The following EIF3G variants were observed in gnomAD, a reference collection of about 807,000 sequenced individuals.
EIF3G encodes the protein eukaryotic translation initiation factor 3 subunit G, also known as eukaryotic translation initiation factor 3 RNA-binding subunit.
A neutral mutation model predicts 41.7 loss-of-function variants in EIF3G; 10 were observed. That is an observed-to-expected ratio of 0.24 (90% CI 0.15 to 0.41). EIF3G has a LOEUF of 0.41. Among genes scored for constraint, EIF3G ranks in the 10% least tolerant of loss-of-function variants. The pLI is 1.00. For missense variants in EIF3G, 297 were observed against 444.0 expected (o/e 0.67, Z 2.98); for synonymous variants, 204 against 172.5 (o/e 1.18, Z -1.43).
chr19:10,115,523 G>C lies in EIF3G; in HGVS notation c.903C>G (p.Ser301=). The C allele has an allele frequency of 6.2e-7, 1 of 1,613,586 alleles. No homozygotes were observed. Among genetic ancestry groups the C allele is most frequent in the South Asian group, 1.1e-5 (1 of 90,984 alleles). The change falls in exon 10 of 11, where the codon TCC becomes TCG. Residue 301 remains serine (S), a synonymous_variant. Transcript: ENST00000253108. ...EDAARAIAGV[S]GFGYDHLILN... ...GGATGAGGTGGTCGTAGCCAAAGCC[G>C]GACACCCCGGCAATGGCACGCGCAG...
intron 5 of EIF3G, chr19:10,118,051 CTT>C (rs2089274379): frequency 6.6e-6 from 1 of 152,400 alleles, no homozygotes; most frequent in Non-Finnish European, 1.5e-5. Flanking sequence ...GACACTGTGT[CTT>C]TAAAAAAATT....
chr19:10,115,878 C>T (rs916532401), intron 8 of EIF3G, 58 bp from the exon 9 acceptor site: 73 of 1,597,634 alleles, frequency 4.6e-5, no homozygotes, highest in Non-Finnish European at 5.8e-5. Context: ...CCCTCGTGTG[C>T]TGCCCAGCCC....
chr19:10,116,226 A>AGCTTCTCAGGTGT lies in EIF3G; in HGVS notation c.596-153_596-152insACACCTGAGAAGC. On this transcript the variant is annotated intron_variant, in intron 7 of 10. Coordinates refer to ENST00000253108, the MANE Select transcript of EIF3G (RefSeq NM_003755.5). This position sits in a 1 kb window ranked among gnomAD's most constrained non-coding sequence, Gnocchi z 4.1. ...AGTTGGCCACGAGGACACCAAGGTG[A>AGCTTCTCAGGTGT]CACCTGAGAAGCTGACACCATTTGA... 1.4e-6 allele frequency: 1 copy of AGCTTCTCAGGTGT among 702,156 alleles called. No homozygotes were observed. The highest frequency in any genetic ancestry group is 2.4e-6 in the Non-Finnish European group (1 of 422,522). The allele number at this position is 702,156 out of a possible 1,614,324, so 43.5% of individuals were successfully genotyped here.
rs541725010 is a variant in EIF3G at position 10,119,830 on chromosome 19, G to A, written c.20+10C>T. ...GCTTCCCGTGCCCCTTTCCGCGATC[G>A]CCGACTCACTCAAAGTCTCCAGTAG... On this transcript the variant is annotated intron_variant, in intron 1 of 10. Coordinates refer to ENST00000253108, the MANE Select transcript of EIF3G (RefSeq NM_003755.5). 5.6e-6 allele frequency: 9 copies of A among 1,614,122 alleles called. No individual in the cohort carries two copies. In the East Asian group the frequency reaches 2.0e-4, roughly 36 times the overall value.
Position 10,115,601 on chromosome 19 carries a change from A to G in EIF3G, c.841-16T>C, listed in dbSNP as rs773385976. ...AGGCAAAGCCCTGTGGAGGGGCGGG[A>G]TGGGGTCGGGCACGAGCTAGGACAG... is the stretch of plus-strand genomic sequence containing the variant. On this transcript the variant is annotated splice_polypyrimidine_tract_variant and intron_variant, in intron 9 of 10. Coordinates refer to ENST00000253108, the MANE Select transcript of EIF3G (RefSeq NM_003755.5). 15 of 1,606,102 alleles carry G rather than the reference A, an allele frequency of 9.3e-6. No individual in the cohort carries two copies. In the East Asian group the frequency reaches 3.1e-4, roughly 34 times the overall value.
At position 10,116,633 on chromosome 19, in the gene EIF3G, C is replaced by G; in HGVS notation, c.595+167G>C. ...CCAAGTCGCACATATATGGGAGACG[C>G]CCGTCTCCCAACCATAGGAGGTACA... On this transcript the variant is annotated intron_variant, in intron 7 of 10. Transcript: ENST00000253108. This position sits in a 1 kb window ranked among gnomAD's most constrained non-coding sequence, Gnocchi z 4.1. 1 of 663,928 alleles carries G rather than the reference C, an allele frequency of 1.5e-6. No individual in the cohort carries two copies. 41.1% of individuals were successfully genotyped at this position (663,928 alleles called of 1,614,324 possible).
chr19:10,118,977 GAGAA>G (rs1300482652), intron 3 of EIF3G, 21 bp from the exon 4 acceptor site: 1 of 1,613,934 alleles, frequency 6.2e-7, no homozygotes, highest in Non-Finnish European at 8.5e-7. Context: ...GGGAAAAACA[GAGAA>G]AGACTGAGCC....
At chr19:10,115,442 G>A (rs775588964) in intron 10 of EIF3G, 37 bp downstream of exon 10, 2 of 1,573,128 alleles carry the variant, frequency 1.3e-6, no homozygotes, top group Non-Finnish European at 1.7e-6. Flanking sequence ...CTGGGACAAG[G>A]CAGGGAGCAG....
intron 8 of EIF3G, 68 bp from the exon 9 acceptor site, chr19:10,115,888 C>G: frequency 6.3e-7 from 1 of 1,595,230 alleles, no homozygotes; most frequent in Non-Finnish European, 8.5e-7. Context: ...CTGCCCAGCC[C>G]TCGTGTGCAC....
In EIF3G at chr19:10,117,007, G is replaced by A. The variant is rs750820266; in HGVS notation, c.406-18C>T. 1 of 1,605,328 alleles carries A rather than the reference G, an allele frequency of 6.2e-7. No individual in the cohort carries two copies. Among genetic ancestry groups the A allele is most frequent in the South Asian group, 1.1e-5 (1 of 90,168 alleles). On this transcript the variant is annotated intron_variant, in intron 6 of 10. Transcript: ENST00000253108. ...TTCAGGTCCTGGCAGGGGCGGGTTG[G>A]GGGGAGCTCAGAGGCGGCTAAGGCA...
intron 5 of EIF3G, 189 bp from the exon 6 acceptor site, chr19:10,117,377 C>T: frequency 1.8e-6 from 1 of 562,362 alleles, no homozygotes; most frequent in Non-Finnish European, 3.2e-6. Flanking sequence ...GCCTGAGCTC[C>T]AGGAGGCAGG....
rs568457926 is a variant in EIF3G at position 10,116,149 on chromosome 19, G to A, written c.596-75C>T. On this transcript the variant is annotated intron_variant, in intron 7 of 10. Transcript: ENST00000253108. The surrounding 1 kb of genome is among the most constrained non-coding windows in gnomAD (Gnocchi z 4.1). Reference sequence around the variant, plus strand: ...GGGACAGAGCCGCCCCAGGAAGCTCGGGCTTCAGTGTTGAGCCAGCGCAGG... The same window carrying A: ...GGGACAGAGCCGCCCCAGGAAGCTCAGGCTTCAGTGTTGAGCCAGCGCAGG... 39 of 1,452,190 alleles carry A rather than the reference G, an allele frequency of 2.7e-5. No homozygotes were observed. The East Asian group carries it at 6.0e-4, about 22-fold the overall frequency. 90.0% of individuals were successfully genotyped at this position (1,452,190 alleles called of 1,614,324 possible).
In EIF3G at chr19:10,117,468, C is replaced by T. The variant is rs990111859; in HGVS notation, c.301-280G>A. The T allele has an allele frequency of 1.3e-4, 55 of 410,258 alleles. No individual in the cohort carries two copies. In the Middle Eastern group the frequency reaches 3.8e-3, roughly 28 times the overall value. 25.4% of individuals were successfully genotyped at this position (410,258 alleles called of 1,614,324 possible). ...TCTGGCGGACCAGCTCCCACCAGGG[C>T]GCAATACTCAGGGATGTGCAGGGGT... On this transcript the variant is annotated intron_variant, in intron 5 of 10. Coordinates refer to ENST00000253108, the MANE Select transcript of EIF3G (RefSeq NM_003755.5).
At chr19:10,115,663 C>A (rs763721672) in intron 9 of EIF3G, 21 bp downstream of exon 9, 201 of 1,587,654 alleles carry the variant, frequency 1.3e-4, no homozygotes, top group Non-Finnish European at 1.6e-4. Flanking sequence ...ACAGCCCCAC[C>A]GTGCCTGCCT....
Position 10,116,846 on chromosome 19 carries a change from G to C in EIF3G, c.549C>G (p.Ala183=), listed in dbSNP as rs185092700. 30 of 1,610,790 alleles carry C rather than the reference G, an allele frequency of 1.9e-5. 1 individual carries two copies. Among genetic ancestry groups the C allele is most frequent in the South Asian group, 5.5e-5 (5 of 90,888 alleles). ...CGCCAGTAGACAGGCCCAGCTGCTC[G>C]GCCAGCTCCTTCTGCATGGGCCCCA... ...DTLGPMQKEL[A]EQLGLSTGEK... The change falls in exon 7 of 11, where the codon GCC becomes GCG. Residue 183 remains alanine, a synonymous_variant. Transcript: ENST00000253108. The surrounding 1 kb of genome is among the most constrained non-coding windows in gnomAD (Gnocchi z 4.1).
At chr19:10,117,263 A>G (rs1254234747) in intron 5 of EIF3G, 75 bp from the exon 6 acceptor site, 6 of 1,063,686 alleles carry the variant, frequency 5.6e-6, no homozygotes, top group Non-Finnish European at 8.3e-6. Flanking sequence ...CCCTAGACCT[A>G]CAACAGCCAC....
intron 2 of EIF3G, 23 bp from the exon 3 acceptor site, chr19:10,119,194 G>T: frequency 6.4e-7 from 1 of 1,559,850 alleles, no homozygotes; most frequent in South Asian, 1.2e-5. Flanking sequence ...GCGTAGGAAG[G>T]AGGAGTCAGC....
chr19:10,116,680 G>T lies in EIF3G; in HGVS notation c.595+120C>A. On this transcript the variant is annotated intron_variant, in intron 7 of 10. Transcript: ENST00000253108. The surrounding 1 kb of genome is among the most constrained non-coding windows in gnomAD (Gnocchi z 4.1). ...TACAGCCAATTAGGAAGGCACAGACGCCCCGAGGAGAGTCTGGCACCATCA... is the reference window on the plus strand; with the variant it reads ...TACAGCCAATTAGGAAGGCACAGACTCCCCGAGGAGAGTCTGGCACCATCA... The T allele has an allele frequency of 9.9e-7, 1 of 1,014,526 alleles. No individual in the cohort carries two copies. Among genetic ancestry groups the T allele is most frequent in the South Asian group, 1.8e-5 (1 of 56,012 alleles). The allele number at this position is 1,014,526 out of a possible 1,614,324, so 62.8% of individuals were successfully genotyped here. A position where few individuals can be genotyped will look rare whatever the true frequency, so the allele number is the denominator to read the frequency against.
Position 10,115,126 on chromosome 19 carries a change from C to T in EIF3G, c.951G>A (p.Pro317=), listed in dbSNP as rs199502040. ...HLILNVEWAK[P]STN ...AGTGGCAGCTGGCTTAGTTGGTGGACGGCCTGGGGTAGGGGAGGGTGGCAG... is the reference window on the plus strand; with the variant it reads ...AGTGGCAGCTGGCTTAGTTGGTGGATGGCCTGGGGTAGGGGAGGGTGGCAG... The change falls in exon 11 of 11, where the codon CCG becomes CCA. Residue 317 remains proline, a synonymous_variant. Coordinates refer to ENST00000253108, the MANE Select transcript of EIF3G (RefSeq NM_003755.5). 87 of 1,613,750 alleles carry T rather than the reference C, an allele frequency of 5.4e-5. No homozygotes were observed. Among genetic ancestry groups the T allele is most frequent in the East Asian group, 3.1e-4 (14 of 44,886 alleles).
Sources: gnomAD v4.1 joint callset for allele counts on GRCh38, gnomAD v4.1.1 for gene constraint, Gnocchi (gnomAD v3.1) non-coding constraint, MANE v1.5 for transcripts, NCBI Gene and HGNC (gene_info 2026-07-23, HGNC 2026-07-21) for gene names.